The following SULT1C2 variants were observed in gnomAD, a reference collection of about 807,000 sequenced individuals.
SULT1C2 encodes the protein sulfotransferase 1C2.
Under a neutral mutation model 36.0 loss-of-function variants are expected in SULT1C2, and 27 were observed. The observed-to-expected ratio is 0.75, with a 90% CI of 0.55 to 1.03. The LOEUF (loss-of-function observed/expected upper bound fraction) is 1.03. Ranked by LOEUF, SULT1C2 falls within the 50% of genes least tolerant of loss-of-function variation. The pLI is 0.00. For synonymous variants in SULT1C2, 121 were observed against 116.0 expected, an observed-to-expected ratio of 1.04 and a Z score of -0.27; for missense variants, 395 against 359.2, an observed-to-expected ratio of 1.10 and a Z score of -0.80.
At chr2:108,304,981 G>A (rs1024203435) in intron 5 of SULT1C2, among the ~76,000 whole-genome samples, 191 bp from the exon 6 acceptor site, 10 of 152,194 alleles carry the variant, frequency 6.6e-5, no homozygotes, top group Admixed American at 1.3e-4. Context: ...TAGGGACGAT[G>A]TTGGGGCAAG....
chr2:108,298,803 C>G (rs1326853127), intron 3 of SULT1C2: 1 of 205,588 alleles, frequency 4.9e-6, no homozygotes, highest in Non-Finnish European at 1.0e-5. Flanking sequence ...GGGCTTTTCC[C>G]TCACTTGTTT....
At chr2:108,294,493 T>TCC (rs1190419018) in intron 3 of SULT1C2, 139 bp downstream of exon 3, 3 of 274,408 alleles carry the variant, frequency 1.1e-5, no homozygotes, top group Non-Finnish European at 1.2e-5. Flanking sequence ...CTCTCTCATT[T>TCC]TCACTGTCAT....
intron 1 of SULT1C2, among the ~76,000 whole-genome samples, chr2:108,293,220 A>G (rs1275224729): frequency 2.0e-4 from 30 of 150,612 alleles, no homozygotes; most frequent in Non-Finnish European, 2.9e-5. Context: ...GTGTATATCT[A>G]CAGTGAACTA....
intron 3 of SULT1C2, among the ~76,000 whole-genome samples, chr2:108,295,541 T>G (rs1211177752): frequency 6.6e-6 from 1 of 152,182 alleles, no homozygotes; most frequent in Non-Finnish European, 1.5e-5. Flanking sequence ...CTCACAACGT[T>G]TAAATCCTGA....
chr2:108,304,796 T>A, intron 5 of SULT1C2, 96 bp downstream of exon 5: 1 of 1,493,492 alleles, frequency 6.7e-7, no homozygotes, highest in East Asian at 2.3e-5. Context: ...ATGCCTGTAC[T>A]TCATCAGGTG....
intron 4 of SULT1C2, chr2:108,303,509 C>T (rs1676942550): frequency 2.0e-5 from 3 of 152,248 alleles, no homozygotes; most frequent in Admixed American, 6.5e-5. Flanking sequence ...GTATCTGACC[C>T]TGGGGTGTCA....
chr2:108,291,878 T>C (rs1676601958), intron 1 of SULT1C2, among the ~76,000 whole-genome samples: 1 of 152,234 alleles, frequency 6.6e-6, no homozygotes, highest in Admixed American at 6.5e-5. Context: ...AGGAGTACTG[T>C]CCAAACTCCA....
intron 1 of SULT1C2, among the ~76,000 whole-genome samples, chr2:108,291,638 A>G (rs1676594065): frequency 6.6e-6 from 1 of 152,224 alleles, no homozygotes; most frequent in Admixed American, 6.5e-5. Flanking sequence ...TTTTTAAAGA[A>G]GGAACATAGG....
intron 3 of SULT1C2, chr2:108,299,720 A>G (rs1240762389): frequency 4.6e-5 from 7 of 152,234 alleles, no homozygotes; most frequent in African/African-American, 1.7e-4. Flanking sequence ...CAGCAATTCC[A>G]CTTCTGGGTA....
intron 3 of SULT1C2, chr2:108,300,496 T>C (rs1405857948): frequency 1.1e-5 from 4 of 369,894 alleles, no homozygotes; most frequent in Non-Finnish European, 1.9e-5. Context: ...TGCAGGCACA[T>C]GGGGGTCATC....
In SULT1C2 at chr2:108,304,500, G is replaced by A. The variant is rs17036086; in HGVS notation, c.376-74G>A. 953 of 1,508,588 alleles carry A rather than the reference G, an allele frequency of 6.3e-4. 5 individuals are homozygous for A. The African/African-American group carries it at 0.012, about 19-fold the overall frequency. The allele number at this position is 1,508,588 out of a possible 1,614,324, so 93.5% of individuals were successfully genotyped here. A position where few individuals can be genotyped will look rare whatever the true frequency, so the allele number is the denominator to read the frequency against. ...AGAGTGCACAGCAACCCTCAGGATG[G>A]CTCTGCCTAAGGGAACTCTGTGAAA... On this transcript the variant is annotated intron_variant, in intron 4 of 7. Transcript: ENST00000251481.
intron 7 of SULT1C2, among the ~76,000 whole-genome samples, chr2:108,307,311 C>T (rs1241326768): frequency 2.6e-5 from 4 of 152,176 alleles, no homozygotes; most frequent in Non-Finnish European, 4.4e-5. Context: ...AGATATGTAA[C>T]CATAATGAAA....
At chr2:108,293,624 T>C (rs760307660) in intron 1 of SULT1C2, 23 bp from the exon 2 acceptor site, 1 of 1,547,170 alleles carries the variant, frequency 6.5e-7, no homozygotes, top group East Asian at 2.3e-5. Context: ...TCTTTAAAAA[T>C]CTCCTCTATT....
At chr2:108,307,118 G>C (rs746608690) in intron 7 of SULT1C2, among the ~76,000 whole-genome samples, 3 of 152,084 alleles carry the variant, frequency 2.0e-5, no homozygotes, top group Admixed American at 6.5e-5. Flanking sequence ...GCATGTGCTT[G>C]AATTTATGTT....
intron 4 of SULT1C2, chr2:108,303,593 G>T (rs1443211451): frequency 1.3e-5 from 2 of 152,244 alleles, no homozygotes; most frequent in African/African-American, 2.4e-5. Flanking sequence ...CTGGGGTGTT[G>T]TAGGCAGTTC....
intron 7 of SULT1C2, among the ~76,000 whole-genome samples, chr2:108,307,555 T>A (rs1172733772): frequency 6.6e-6 from 1 of 152,238 alleles, no homozygotes; most frequent in African/African-American, 2.4e-5. Flanking sequence ...ACAGTAAATA[T>A]CTTTGTGCAT....
chr2:108,291,566 C>T (rs1326747702), intron 1 of SULT1C2, among the ~76,000 whole-genome samples: 2 of 152,064 alleles, frequency 1.3e-5, no homozygotes, highest in Admixed American at 1.3e-4. Context: ...TACATTTGGA[C>T]TGTTTCCAAA....
In SULT1C2 at chr2:108,308,639, C is replaced by G; in HGVS notation, c.*175C>G. On this transcript the variant is annotated 3_prime_UTR_variant, in exon 8 of 8. Transcript: ENST00000251481. ...CCACTTCATTTTTTAAAAAGGATCA[C>G]GTCTAATGCCCATTTTCCCAACTAT... 1.9e-6 allele frequency: 1 copy of G among 530,414 alleles called. No homozygotes were observed. The highest frequency in any genetic ancestry group is 3.2e-6 in the Non-Finnish European group (1 of 309,880). 32.9% of individuals were successfully genotyped at this position (530,414 alleles called of 1,614,324 possible).
At chr2:108,296,677 T>G (rs1676737998) in intron 3 of SULT1C2, among the ~76,000 whole-genome samples, 1 of 152,168 alleles carries the variant, frequency 6.6e-6, no homozygotes, top group African/African-American at 2.4e-5. Context: ...GGTCTCGAAC[T>G]CCTGACCTCA....
Sources: gnomAD v4.1 joint callset for allele counts (sites outside exome capture counted in the v4.1 genomes callset) on GRCh38, gnomAD v4.1.1 for gene constraint, MANE v1.5 for transcripts, NCBI Gene and HGNC (gene_info 2026-07-23, HGNC 2026-07-21) for gene names.